ZYG11B: variants seen among roughly 807,000 people sequenced by gnomAD.
ZYG11B encodes zyg-11 family member B, cell cycle regulator, also known as protein zyg-11 homolog B.
In ZYG11B, 36 loss-of-function variants were observed where a neutral mutation model predicts 82.4. That is an observed-to-expected ratio of 0.44 (90% CI 0.33 to 0.58). The LOEUF (loss-of-function observed/expected upper bound fraction) is 0.58, where lower values mean the gene tolerates loss of function less well. Among genes scored for constraint, ZYG11B ranks in the 20% least tolerant of loss-of-function variants. ZYG11B has a pLI of 0.02. For synonymous variants in ZYG11B, 303 were observed against 312.8 expected (o/e 0.97, Z 0.33); for missense variants, 552 against 895.6 (o/e 0.62, Z 4.90).
At chr1:52,743,402 T>TAAAAAAAAAAA (rs71044414) in intron 1 of ZYG11B, among the ~76,000 whole-genome samples, 43 of 69,042 alleles carry the variant, frequency 6.2e-4, no homozygotes, top group Non-Finnish European at 7.7e-4. Flanking sequence ...CAATAAATAC[T>TAAAAAAAAAAA]AAAAAAAAAA....
At chr1:52,755,085 G>A (rs544682926) in intron 1 of ZYG11B, among the ~76,000 whole-genome samples, 7 of 150,090 alleles carry the variant, frequency 4.7e-5, no homozygotes, top group South Asian at 2.1e-4. Flanking sequence ...CTCAGCCACC[G>A]GAGTAGCTGG....
At chr1:52,790,739 AAG>A (rs1286634925) in intron 6 of ZYG11B, among the ~76,000 whole-genome samples, 3 of 143,492 alleles carry the variant, frequency 2.1e-5, no homozygotes, top group African/African-American at 5.1e-5. Flanking sequence ...AAAAAAAAAA[AAG>A]ACATAGGTCT....
intron 5 of ZYG11B, 88 bp from the exon 6 acceptor site, chr1:52,789,915 C>CTTT (rs58685388): frequency 2.6e-4 from 188 of 730,358 alleles, no homozygotes; most frequent in Middle Eastern, 1.3e-3. Flanking sequence ...CAGTCTTCTT[C>CTTT]TTTTTTTTTT....
chr1:52,750,397 T>C (rs1420186665), intron 1 of ZYG11B, among the ~76,000 whole-genome samples: 3 of 152,078 alleles, frequency 2.0e-5, no homozygotes, highest in Non-Finnish European at 4.4e-5. Flanking sequence ...CTCAGCCTGC[T>C]GAATAGCTGG....
chr1:52,819,024 G>A (rs187804727), intron 13 of ZYG11B, among the ~76,000 whole-genome samples: 12 of 151,980 alleles, frequency 7.9e-5, no homozygotes, highest in African/African-American at 2.2e-4. Flanking sequence ...GAACTCACCC[G>A]CCTTGGCCTC....
At chr1:52,768,935 T>C (rs936578652) in intron 2 of ZYG11B, among the ~76,000 whole-genome samples, 1 of 152,214 alleles carries the variant, frequency 6.6e-6, no homozygotes, top group African/African-American at 2.4e-5. Flanking sequence ...TCCAGCATTT[T>C]CAAAGGCCTT....
At position 52,827,030 on chromosome 1, in the gene ZYG11B, T is replaced by C. The variant is rs1469215570; in HGVS notation, c.*5401T>C. On this transcript the variant is annotated 3_prime_UTR_variant, in exon 14 of 14. Coordinates refer to ENST00000294353, the MANE Select transcript of ZYG11B (RefSeq NM_024646.3). ...AAAATTAAGAAATCCCTGACTTTTG[T>C]AGAATTCCCACTGTCAAATTCTCAC... 4 of 152,220 alleles carry C rather than the reference T, an allele frequency of 2.6e-5. No individual in the cohort carries two copies. The highest frequency in any genetic ancestry group is 5.9e-5 in the Non-Finnish European group (4 of 68,026). 9.4% of individuals were successfully genotyped at this position (152,220 alleles called of 1,614,324 possible).
intron 3 of ZYG11B, among the ~76,000 whole-genome samples, chr1:52,778,431 T>A (rs1385450411): frequency 6.6e-6 from 1 of 152,172 alleles, no homozygotes; most frequent in Admixed American, 6.6e-5. Flanking sequence ...AGCCTGGATT[T>A]TGCTGATTGT....
At chr1:52,802,728 T>C (rs1159729826) in intron 10 of ZYG11B, among the ~76,000 whole-genome samples, 1 of 152,010 alleles carries the variant, frequency 6.6e-6, no homozygotes, top group African/African-American at 2.4e-5. Context: ...AGAAAGTTGC[T>C]GCTGTGATAC....
At chr1:52,794,131 C>T (rs1405398003) in intron 6 of ZYG11B, among the ~76,000 whole-genome samples, 1 of 152,008 alleles carries the variant, frequency 6.6e-6, no homozygotes, top group Non-Finnish European at 1.5e-5. Flanking sequence ...CGCACCACCA[C>T]ACCCAGCTAA....
intron 1 of ZYG11B, among the ~76,000 whole-genome samples, 179 bp downstream of exon 1, chr1:52,726,862 C>T (rs1483718681): frequency 2.0e-5 from 3 of 152,050 alleles, no homozygotes; most frequent in Non-Finnish European, 2.9e-5. Context: ...CATTCACCTG[C>T]TTCGGTGAAC....
chr1:52,797,577 C>T (rs1177980694), intron 8 of ZYG11B, among the ~76,000 whole-genome samples: 3 of 133,576 alleles, frequency 2.2e-5, no homozygotes, highest in South Asian at 2.5e-4. Flanking sequence ...GGTACGATCT[C>T]GGCTCACTGA....
Position 52,771,271 on chromosome 1 carries a change from CT to C in ZYG11B, c.449del (p.Leu150ProfsTer18), listed in dbSNP as rs1251109840. 1 of 1,614,234 alleles carries C rather than the reference CT, an allele frequency of 6.2e-7. No individual in the cohort carries two copies. The highest frequency in any genetic ancestry group is 1.7e-5 in the Admixed American group (1 of 60,026). On this transcript the variant is annotated frameshift_variant, in exon 3 of 14. Coordinates refer to ENST00000294353, the MANE Select transcript of ZYG11B (RefSeq NM_024646.3). LOFTEE classifies it high-confidence loss of function. This position sits in a 1 kb window ranked among gnomAD's most constrained non-coding sequence, Gnocchi z 5.4. ...GGTGCTGAATTCATTAACTCTCTCC[CT>C]CGAGGATCCTTACGAGCGCTGCTTC... ...CLVLNSLTLSLEDPYERCFSR... is the reference protein window; with the variant it reads ...CLVLNSLTLSXEDPYERCFSR...
At position 52,822,773 on chromosome 1, in the gene ZYG11B, G is replaced by A. The variant is rs949421004; in HGVS notation, c.*1144G>A. The A allele has an allele frequency of 3.9e-5, 6 of 152,128 alleles. No individual in the cohort carries two copies. The highest frequency in any genetic ancestry group is 1.4e-4 in the African/African-American group (6 of 41,442). 9.4% of individuals were successfully genotyped at this position (152,128 alleles called of 1,614,324 possible). A position where few individuals can be genotyped will look rare whatever the true frequency, so the allele number is the denominator to read the frequency against. On this transcript the variant is annotated 3_prime_UTR_variant, in exon 14 of 14. Coordinates refer to ENST00000294353, the MANE Select transcript of ZYG11B (RefSeq NM_024646.3). Reference sequence around the variant, plus strand: ...GCAGTGCATAACAGCACATATTTTTGACAGATTATTTTTTAGGCAATTACC... The same window carrying A: ...GCAGTGCATAACAGCACATATTTTTAACAGATTATTTTTTAGGCAATTACC...
rs1439179889 is a variant in ZYG11B, at chr1:52,821,776, T to C, written c.*147T>C. The C allele has an allele frequency of 3.4e-6, 2 of 590,808 alleles. No individual in the cohort carries two copies. Among genetic ancestry groups the C allele is most frequent in the African/African-American group, 1.9e-5 (1 of 53,742 alleles). 36.6% of individuals were successfully genotyped at this position (590,808 alleles called of 1,614,324 possible). On this transcript the variant is annotated 3_prime_UTR_variant, in exon 14 of 14. Coordinates refer to ENST00000294353, the MANE Select transcript of ZYG11B (RefSeq NM_024646.3). ...GATTGATAATGTGTAGTACTGCCCA[T>C]GTGAACAGTCTCTAATTTGTCTTGT...
chr1:52,784,730 T>C (rs1644898880), intron 4 of ZYG11B, 147 bp from the exon 5 acceptor site: 7 of 810,342 alleles, frequency 8.6e-6, no homozygotes, highest in Non-Finnish European at 1.4e-5. Flanking sequence ...TGTGAGTAAC[T>C]GCTATATCCT....
At chr1:52,729,707 GCA>G (rs1644314178) in intron 1 of ZYG11B, among the ~76,000 whole-genome samples, 1 of 152,198 alleles carries the variant, frequency 6.6e-6, no homozygotes, top group South Asian at 2.1e-4. Flanking sequence ...GGGTGTGGTG[GCA>G]CATGCCTGTA....
intron 10 of ZYG11B, among the ~76,000 whole-genome samples, chr1:52,803,864 CA>C (rs1481893592): frequency 6.6e-6 from 1 of 152,198 alleles, no homozygotes; most frequent in Non-Finnish European, 1.5e-5. Flanking sequence ...CTTGGCCTCC[CA>C]AAGTGCTGGG....
intron 2 of ZYG11B, among the ~76,000 whole-genome samples, chr1:52,764,449 A>G (rs532803976): frequency 6.6e-6 from 1 of 152,190 alleles, no homozygotes; most frequent in East Asian, 1.9e-4. Flanking sequence ...TTTTTTTAAA[A>G]TAAGAAAAGA....
Sources: allele counts gnomAD v4.1 joint callset (sites outside exome capture counted in the v4.1 genomes callset), GRCh38; gene constraint gnomAD v4.1.1; non-coding constraint Gnocchi (gnomAD v3.1); transcripts MANE v1.5; gene names NCBI Gene and HGNC (gene_info 2026-07-23, HGNC 2026-07-21).